Variants in TULP4 observed in about 807,000 individuals in gnomAD.
TULP4 encodes TUB like protein 4, also known as tubby-related protein 4.
A neutral mutation model predicts 129.0 loss-of-function variants in TULP4; 16 were observed. That is an observed-to-expected ratio of 0.12 (90% CI 0.08 to 0.19). The LOEUF is 0.19. Ranked by LOEUF, TULP4 falls within the 10% of genes least tolerant of loss-of-function variation. The pLI is 1.00. For missense variants in TULP4, 1,842 were observed against 2,059.1 expected (o/e 0.89, Z 2.04); for synonymous variants, 998 against 854.0 (o/e 1.17, Z -2.94).
At chr6:158,233,611 C>T (rs1262936100) in intron 1 of TULP4, among the ~76,000 whole-genome samples, 1 of 152,168 alleles carries the variant, frequency 6.6e-6, no homozygotes, top group Non-Finnish European at 1.5e-5. Context: ...TGACAGGGCA[C>T]CTTGCACATA....
chr6:158,416,965 G>A (rs949740297), intron 2 of TULP4, among the ~76,000 whole-genome samples: 1 of 152,232 alleles, frequency 6.6e-6, no homozygotes, highest in African/African-American at 2.4e-5. Flanking sequence ...TAGCCTAGGA[G>A]TAGTAGGCTG....
intron 1 of TULP4, among the ~76,000 whole-genome samples, chr6:158,329,478 G>A (rs7746493): frequency 0.86 from 126,632 of 146,954 alleles, 54,923 homozygotes; most frequent in South Asian, 0.93. Flanking sequence ...AAAAAAAAAA[G>A]AAGAATAACC....
chr6:158,501,693 G>C lies in TULP4; in HGVS notation c.2030G>C (p.Gly677Ala). 1.2e-6 allele frequency: 2 copies of C among 1,605,252 alleles called. No individual in the cohort carries two copies. The highest frequency in any genetic ancestry group is 1.7e-6 in the Non-Finnish European group (2 of 1,173,248). ...EDDLPVTGAS[G>A]VPENSPPCTV... The stretch of plus-strand genomic sequence containing the variant: ...TTTCTTCCAGTGACAGGAGCATCTG[G>C]TGTCCCTGAGAACAGCCCACCTTGT... The change falls in exon 13 of 14, where the codon GGT (glycine) becomes GCT (alanine). Residue 677 changes from glycine (G) to alanine (A), a missense_variant. Coordinates refer to ENST00000367097, the MANE Select transcript of TULP4 (RefSeq NM_020245.5).
At chr6:158,291,754 G>A (rs1052979199) in intron 1 of TULP4, among the ~76,000 whole-genome samples, 2 of 151,972 alleles carry the variant, frequency 1.3e-5, no homozygotes, top group African/African-American at 4.8e-5. Context: ...AAAAAATTGG[G>A]TAATTTCTTG....
upstream of TULP4, among the ~76,000 whole-genome samples, chr6:158,309,962 C>G (rs1161433518): frequency 6.8e-6 from 1 of 146,594 alleles, no homozygotes; most frequent in Non-Finnish European, 1.5e-5. Context: ...TTTTTATTTT[C>G]AACAACAAAT....
chr6:158,289,803 A>G (rs1778899791), intron 1 of TULP4, among the ~76,000 whole-genome samples: 1 of 149,800 alleles, frequency 6.7e-6, no homozygotes, highest in African/African-American at 2.5e-5. Context: ...ATGGTCTTGA[A>G]CTCCTAGGTT....
intron 1 of TULP4, among the ~76,000 whole-genome samples, chr6:158,347,021 T>C (rs1207792972): frequency 1.3e-5 from 2 of 152,182 alleles, no homozygotes; most frequent in African/African-American, 2.4e-5. Context: ...CAAATCACTT[T>C]TGTTGTGCTT....
intron 1 of TULP4, among the ~76,000 whole-genome samples, chr6:158,332,895 A>G (rs774910311): frequency 2.6e-5 from 4 of 152,110 alleles, no homozygotes; most frequent in African/African-American, 4.8e-5. Flanking sequence ...GCACGTATTG[A>G]TGGGTTGGGA....
chr6:158,432,969 C>T (rs569868561), intron 3 of TULP4, among the ~76,000 whole-genome samples: 1 of 152,332 alleles, frequency 6.6e-6, no homozygotes, highest in South Asian at 2.1e-4. Context: ...TGCACAGGCA[C>T]CCCTAAGAAA....
At chr6:158,304,517 C>T (rs7746246) in intron 1 of TULP4, among the ~76,000 whole-genome samples, 131,965 of 152,178 alleles carry the variant, frequency 0.87, 57,575 homozygotes, top group Admixed American at 0.92. Context: ...GTTAACAGTG[C>T]TCAGGGTAAA....
chr6:158,359,826 C>G (rs1780742446), intron 1 of TULP4, among the ~76,000 whole-genome samples: 1 of 152,214 alleles, frequency 6.6e-6, no homozygotes, highest in Non-Finnish European at 1.5e-5. Flanking sequence ...ATCTTCTCTT[C>G]CCAGTTGAAT....
rs1316992148 is a variant in TULP4 at position 158,373,227 on chromosome 6, C to T, written c.253-39838C>T. ...TGCCCATGTAGCTCTTACATGGCTA[C>T]GTTCTAGGCACTTTACCTGCATTAA... On this transcript the variant is annotated intron_variant, in intron 1 of 13. Transcript: ENST00000367097. 2.6e-5 allele frequency among the ~76,000 whole-genome samples: 4 copies of T among 152,200 alleles called. No homozygotes were observed. In the East Asian group the frequency reaches 5.8e-4, roughly 22 times the overall value.
chr6:158,278,139 G>A (rs1200572106), upstream of TULP4, among the ~76,000 whole-genome samples: 2 of 152,228 alleles, frequency 1.3e-5, no homozygotes, highest in African/African-American at 2.4e-5. Context: ...TCTTAAGTCT[G>A]TTGCATGTCG....
intron 6 of TULP4, among the ~76,000 whole-genome samples, chr6:158,476,830 T>C (rs2128248820): frequency 6.6e-6 from 1 of 152,310 alleles, no homozygotes; most frequent in East Asian, 1.9e-4. Context: ...ACGCATTCTT[T>C]AGGCTGTGGT....
In TULP4 at chr6:158,481,283, A is replaced by C. The variant is rs148234867; in HGVS notation, c.1480A>C (p.Lys494Gln). Residue 494 changes from lysine to glutamine, a missense_variant, in exon 8 of 14, where the codon AAA becomes CAA. Physicochemically the swap from Lys to Gln is moderately conservative, Grantham distance 53. Coordinates refer to ENST00000367097, the MANE Select transcript of TULP4 (RefSeq NM_020245.5). ...FVIMDPRTDS[K>Q]PDEIYGNSLI... ...CATCATGGACCCGCGGACAGATAGCAAACCAGGTGGGCCCCTCACCCGAGG... is the reference window on the plus strand; with the variant it reads ...CATCATGGACCCGCGGACAGATAGCCAACCAGGTGGGCCCCTCACCCGAGG... 8 of 1,613,294 alleles carry C rather than the reference A, an allele frequency of 5.0e-6. No homozygotes were observed. The highest frequency in any genetic ancestry group is 6.8e-6 in the Non-Finnish European group (8 of 1,179,588).
chr6:158,243,047 A>T (rs1189995293), intron 1 of TULP4, among the ~76,000 whole-genome samples: 1 of 152,134 alleles, frequency 6.6e-6, no homozygotes, highest in Non-Finnish European at 1.5e-5. Flanking sequence ...TCGGCCTCCC[A>T]AAGTGCTGGG....
At position 158,455,054 on chromosome 6, in the gene TULP4, CATTTTTTTTTTT is replaced by C. The variant is rs1562573409; in HGVS notation, c.859+2787_859+2798del. Reference sequence around the variant, plus strand: ...CTTCTAAAAATACAGGCAAATTTAACATTTTTTTTTTTTTTTTTTTTTTTTTTTTTTGAGACG... The same window carrying C: ...CTTCTAAAAATACAGGCAAATTTAACTTTTTTTTTTTTTTTTTTTGAGACG... On this transcript the variant is annotated intron_variant, in intron 5 of 13. Coordinates refer to ENST00000367097, the MANE Select transcript of TULP4 (RefSeq NM_020245.5). Among the ~76,000 whole-genome samples, 5 of 63,430 alleles carry C rather than the reference CATTTTTTTTTTT, an allele frequency of 7.9e-5. 1 individual carries two copies. The South Asian group carries it at 2.0e-3, about 26-fold the overall frequency. The allele number at this position is 63,430 out of a possible 152,430, so 41.6% of individuals were successfully genotyped here.
intron 1 of TULP4, among the ~76,000 whole-genome samples, chr6:158,393,413 CTG>C (rs940899089): frequency 6.6e-6 from 1 of 152,224 alleles, no homozygotes; most frequent in Non-Finnish European, 1.5e-5. Context: ...AGTGGGGACT[CTG>C]TGTGGGCTCC....
At chr6:158,341,495 T>A (rs999064849) in intron 1 of TULP4, among the ~76,000 whole-genome samples, 3 of 152,212 alleles carry the variant, frequency 2.0e-5, no homozygotes, top group African/African-American at 7.2e-5. Flanking sequence ...ATTTTTAGTT[T>A]TATGAAGATT....
Sources: allele counts gnomAD v4.1 joint callset (sites outside exome capture counted in the v4.1 genomes callset), GRCh38; gene constraint gnomAD v4.1.1; transcripts MANE v1.5; gene names NCBI Gene and HGNC (gene_info 2026-07-23, HGNC 2026-07-21).